The following MRPL13 variants were observed in gnomAD, a reference collection of about 807,000 sequenced individuals.
The protein encoded by MRPL13 is mitochondrial ribosomal protein L13, also known as large ribosomal subunit protein uL13m.
Under a neutral mutation model 29.0 loss-of-function variants are expected in MRPL13, and 33 were observed. That is an observed-to-expected ratio of 1.14 (90% CI 0.86 to 1.52). The LOEUF (loss-of-function observed/expected upper bound fraction) is 1.52, where lower values mean the gene tolerates loss of function less well. Ranked by LOEUF, MRPL13 falls within the 40% of genes most tolerant of loss-of-function variation. The pLI, the probability that MRPL13 is intolerant of heterozygous loss-of-function variation, is 0.00. For synonymous variants in MRPL13, 77 were observed against 68.4 expected, an observed-to-expected ratio of 1.13 and a Z score of -0.62; for missense variants, 227 against 216.7, an observed-to-expected ratio of 1.05 and a Z score of -0.30.
intron 3 of MRPL13, among the ~76,000 whole-genome samples, chr8:120,426,697 G>C (rs1812935055): frequency 6.6e-6 from 1 of 152,088 alleles, no homozygotes; most frequent in Non-Finnish European, 1.5e-5. Context: ...TTACTAGTAA[G>C]AAAATAACTC....
intron 6 of MRPL13, among the ~76,000 whole-genome samples, chr8:120,411,087 A>T (rs1812735256): frequency 6.6e-6 from 1 of 150,946 alleles, no homozygotes; most frequent in South Asian, 2.1e-4. Context: ...TCTCTCGACA[A>T]GTCTTGCTCT....
chr8:120,414,111 T>C lies in MRPL13; in HGVS notation c.395A>G (p.Tyr132Cys). The C allele has an allele frequency of 1.3e-6, 2 of 1,541,838 alleles. No homozygotes were observed. Among genetic ancestry groups the C allele is most frequent in the East Asian group, 2.3e-5 (1 of 43,002 alleles). Residue 132 changes from tyrosine (Y) to cysteine (C), a missense_variant and splice_region_variant, in exon 6 of 7, where the codon TAT becomes TGT. Coordinates refer to ENST00000306185, the MANE Select transcript of MRPL13 (RefSeq NM_014078.6). ...MERLHLFPDE[Y>C]IPEDILKNLV... is the part of the protein sequence containing the mutation. ...ATTCTTAAGAATATCTTCTGGAATA[T>C]ACTACATTAAAAAAAAATTTAGACT...
chr8:120,412,528 G>C (rs35910534), intron 6 of MRPL13, among the ~76,000 whole-genome samples: 2,892 of 152,244 alleles, frequency 0.019, 92 homozygotes, highest in African/African-American at 0.067. Context: ...CAAAATGAAA[G>C]ATGACTTACT....
intron 2 of MRPL13, among the ~76,000 whole-genome samples, chr8:120,440,606 CTCAAA>C (rs1813108453): frequency 1.7e-5 from 1 of 58,930 alleles, no homozygotes; most frequent in Non-Finnish European, 3.1e-5. Flanking sequence ...CTCTCTCTCT[CTCAAA>C]AAAAAAAAAA....
chr8:120,443,774 G>A (rs1008734564), intron 1 of MRPL13, among the ~76,000 whole-genome samples: 4 of 152,108 alleles, frequency 2.6e-5, no homozygotes, highest in Non-Finnish European at 5.9e-5. Flanking sequence ...AACTGAAGAC[G>A]ATTCAGGAGT....
chr8:120,414,771 A>G (rs941062411), intron 5 of MRPL13: 2 of 151,998 alleles, frequency 1.3e-5, no homozygotes, highest in African/African-American at 2.4e-5. Flanking sequence ...AACCTCCTCA[A>G]CCTTTCATGT....
chr8:120,407,450 T>C (rs1384044281), intron 6 of MRPL13, among the ~76,000 whole-genome samples: 3 of 151,890 alleles, frequency 2.0e-5, no homozygotes, highest in African/African-American at 7.3e-5. Flanking sequence ...ATCGAGACCA[T>C]CCTGGCCAAC....
chr8:120,422,579 T>TATATATAAAC (rs532134923), intron 4 of MRPL13, among the ~76,000 whole-genome samples: 51 of 148,472 alleles, frequency 3.4e-4, no homozygotes, highest in African/African-American at 1.2e-3. Flanking sequence ...TATATAAACA[T>TATATATAAAC]ATATATAAAC....
At chr8:120,397,558 AAGG>A (rs1196474789) in intron 6 of MRPL13, among the ~76,000 whole-genome samples, 1 of 152,068 alleles carries the variant, frequency 6.6e-6, no homozygotes, top group Non-Finnish European at 1.5e-5. Context: ...TCCACTGGAC[AAGG>A]AGGAGTCGCC....
chr8:120,408,115 G>A (rs1435371135), intron 6 of MRPL13, among the ~76,000 whole-genome samples: 1 of 152,104 alleles, frequency 6.6e-6, no homozygotes. Context: ...ATCCTGATCC[G>A]AAAAAGCTCA....
intron 6 of MRPL13, among the ~76,000 whole-genome samples, chr8:120,409,301 T>C (rs1452781079): frequency 6.6e-6 from 1 of 152,216 alleles, no homozygotes; most frequent in African/African-American, 2.4e-5. Flanking sequence ...TAGTTTTCCT[T>C]AGGAAAAGCT....
intron 2 of MRPL13, among the ~76,000 whole-genome samples, chr8:120,436,086 A>G (rs988545378): frequency 6.6e-6 from 1 of 152,182 alleles, no homozygotes; most frequent in Admixed American, 6.5e-5. Context: ...TGAATATGCA[A>G]TATGCCAGGA....
chr8:120,404,023 A>G (rs1293199640), intron 6 of MRPL13, among the ~76,000 whole-genome samples: 1 of 152,210 alleles, frequency 6.6e-6, no homozygotes, highest in Non-Finnish European at 1.5e-5. Context: ...TAAAAACTGC[A>G]TCCAAAGTCT....
chr8:120,410,596 G>T (rs1322682161), intron 6 of MRPL13, among the ~76,000 whole-genome samples: 1 of 152,130 alleles, frequency 6.6e-6, no homozygotes, highest in African/African-American at 2.4e-5. Flanking sequence ...TATGAAGGTA[G>T]CGTAATTTTA....
intron 4 of MRPL13, among the ~76,000 whole-genome samples, chr8:120,422,554 A>G (rs759766708): frequency 2.0e-5 from 3 of 148,772 alleles, no homozygotes; most frequent in Non-Finnish European, 4.5e-5. Context: ...AGGTCATTTA[A>G]TATATGGAAA....
chr8:120,422,158 C>G (rs147826511), intron 4 of MRPL13, among the ~76,000 whole-genome samples: 307 of 151,690 alleles, frequency 2.0e-3, no homozygotes, highest in Non-Finnish European at 3.9e-3. Flanking sequence ...ATCCTTCCCC[C>G]CAACCTTACC....
intron 3 of MRPL13, among the ~76,000 whole-genome samples, chr8:120,429,701 C>G (rs1296802334): frequency 5.9e-5 from 9 of 152,040 alleles, no homozygotes; most frequent in African/African-American, 1.7e-4. Context: ...CTTGTATATA[C>G]AGTTATCCCT....
rs1409570403 is a variant in MRPL13, at chr8:120,395,600, G to T, written c.*504C>A. On this transcript the variant is annotated 3_prime_UTR_variant, in exon 7 of 7. Coordinates refer to ENST00000306185, the MANE Select transcript of MRPL13 (RefSeq NM_014078.6). ...AGAGGCTATATGGGACACAGAAAAA[G>T]ATAGCAGTTTATAAATATTTCAGGG... 6.5e-6 allele frequency: 1 copy of T among 153,170 alleles called. No homozygotes were observed. Among genetic ancestry groups the T allele is most frequent in the African/African-American group, 2.4e-5 (1 of 41,454 alleles). 9.5% of individuals were successfully genotyped at this position (153,170 alleles called of 1,614,324 possible).
chr8:120,438,128 C>A (rs1019602679), intron 2 of MRPL13, among the ~76,000 whole-genome samples: 5 of 152,138 alleles, frequency 3.3e-5, no homozygotes, highest in African/African-American at 1.2e-4. Flanking sequence ...CTTTGTGAGG[C>A]TGAGGTGAGT....
Sources: gnomAD v4.1 joint callset for allele counts (sites outside exome capture counted in the v4.1 genomes callset) on GRCh38, gnomAD v4.1.1 for gene constraint, MANE v1.5 for transcripts, NCBI Gene and HGNC (gene_info 2026-07-23, HGNC 2026-07-21) for gene names.